The following DAPK2 variants were observed in gnomAD, a reference collection of about 807,000 sequenced individuals.
DAPK2 encodes the protein death associated protein kinase 2, also known as death-associated protein kinase 2.
DAPK2 carries 35 observed loss-of-function variants against 44.1 expected under a neutral mutation model. That is an observed-to-expected ratio of 0.79 (90% CI 0.61 to 1.05). The LOEUF (loss-of-function observed/expected upper bound fraction) is 1.05, where lower values mean the gene tolerates loss of function less well. DAPK2 is among the 50% of genes least tolerant of loss of function. The probability of loss-of-function intolerance (pLI) is 0.00; values close to 1 mark genes in which losing one functional copy is unlikely to be tolerated. For synonymous variants in DAPK2, 174 were observed against 182.6 expected (o/e 0.95, Z 0.38); for missense variants, 453 against 483.2 (o/e 0.94, Z 0.59).
At chr15:63,984,280 G>A (rs573802844) in intron 1 of DAPK2, among the ~76,000 whole-genome samples, 1 of 152,338 alleles carries the variant, frequency 6.6e-6, no homozygotes, top group South Asian at 2.1e-4. Flanking sequence ...TGACTCGCCT[G>A]AGGTCATCGC....
chr15:64,030,979 TACACACACACACAC>T (rs71131201), intron 1 of DAPK2, among the ~76,000 whole-genome samples: 3 of 140,186 alleles, frequency 2.1e-5, no homozygotes, highest in Non-Finnish European at 3.1e-5. Context: ...AATACACACA[TACACACACACACAC>T]ACACACACAC....
intron 3 of DAPK2, among the ~76,000 whole-genome samples, chr15:63,959,582 T>C (rs2077826322): frequency 6.6e-6 from 1 of 152,194 alleles, no homozygotes; most frequent in African/African-American, 2.4e-5. Context: ...TGAATTTTGT[T>C]GAGGGCCTTT....
chr15:64,036,194 G>C (rs2080176665), intron 1 of DAPK2, among the ~76,000 whole-genome samples: 1 of 149,256 alleles, frequency 6.7e-6, no homozygotes, highest in African/African-American at 2.5e-5. Flanking sequence ...CTGGGAGATG[G>C]AGGTTGCAGT....
At position 63,911,726 on chromosome 15, in the gene DAPK2, C is replaced by T. The variant is rs2078797201; in HGVS notation, c.1032+182G>A. On this transcript the variant is annotated intron_variant, in intron 10 of 10. Transcript: ENST00000261891. ...CCCCTCCCGGCACCACCCAGAGGTC[C>T]CCAGAACACACTCCTCTGAAGATCA... 6.1e-6 allele frequency: 4 copies of T among 654,096 alleles called. No homozygotes were observed. In the Admixed American group the frequency reaches 7.7e-5, roughly 13 times the overall value. The allele number at this position is 654,096 out of a possible 1,614,324, so 40.5% of individuals were successfully genotyped here.
intron 8 of DAPK2, among the ~76,000 whole-genome samples, chr15:63,914,592 C>T (rs1446108647): frequency 6.6e-6 from 1 of 152,154 alleles, no homozygotes; most frequent in Non-Finnish European, 1.5e-5. Context: ...TTCTCCAAGC[C>T]TTCCAGTGGC....
intron 5 of DAPK2, among the ~76,000 whole-genome samples, chr15:63,930,188 C>G (rs916064526): frequency 3.9e-5 from 6 of 152,366 alleles, no homozygotes; most frequent in Non-Finnish European, 8.8e-5. Flanking sequence ...TGACAAAGCT[C>G]TGACCTGGCC....
At chr15:63,998,214 T>C (rs968338323) in intron 1 of DAPK2, among the ~76,000 whole-genome samples, 1 of 152,120 alleles carries the variant, frequency 6.6e-6, no homozygotes, top group Non-Finnish European at 1.5e-5. Flanking sequence ...TACCCATGGG[T>C]GCAGGCTGCC....
At position 63,929,582 on chromosome 15, in the gene DAPK2, A is replaced by G. The variant is rs1434945310; in HGVS notation, c.633-5T>C. 30 of 1,614,014 alleles carry G rather than the reference A, an allele frequency of 1.9e-5. No homozygotes were observed. The highest frequency in any genetic ancestry group is 2.4e-5 in the Non-Finnish European group (28 of 1,180,004). On this transcript the variant is annotated splice_region_variant and splice_polypyrimidine_tract_variant and intron_variant, in intron 5 of 10. Coordinates refer to ENST00000261891, the Ensembl canonical transcript of DAPK2. ...TAGGTGATGACGCCTATGCTCCTGC[A>G]AAATAAAGAACAGTCAAGTCAGGGC...
chr15:63,913,555 CT>C (rs1231461124), intron 8 of DAPK2, among the ~76,000 whole-genome samples: 2 of 152,212 alleles, frequency 1.3e-5, no homozygotes, highest in African/African-American at 4.8e-5. Context: ...CCTCATTCAC[CT>C]GGTGAATGCT....
chr15:64,046,320 GTC>G lies in DAPK2; in HGVS notation c.-31_-30del, dbSNP rs2080462453. The G allele has an allele frequency of 4.1e-6, 4 of 974,716 alleles. No individual in the cohort carries two copies. The African/African-American group carries it at 7.4e-5, about 18-fold the overall frequency. 60.4% of individuals were successfully genotyped at this position (974,716 alleles called of 1,614,324 possible). Reference sequence around the variant, plus strand: ...CACGGCGGGAGGCTGAGCTGCCGCGGTCGCGGCCGCGGCAGGCGCGGCGGGAG... The same window carrying G: ...CACGGCGGGAGGCTGAGCTGCCGCGGGCGGCCGCGGCAGGCGCGGCGGGAG... On this transcript the variant is annotated 5_prime_UTR_variant, in exon 1 of 12. Transcript: ENST00000457488. The surrounding 1 kb of genome is among the most constrained non-coding windows in gnomAD (Gnocchi z 5.3).
intron 3 of DAPK2, among the ~76,000 whole-genome samples, chr15:63,942,607 C>T (rs1595766370): frequency 6.6e-6 from 1 of 151,932 alleles, no homozygotes; most frequent in East Asian, 1.9e-4. Context: ...AAAAGAACCC[C>T]AGGGCAGGGC....
chr15:64,032,621 G>A (rs72755026), intron 1 of DAPK2, among the ~76,000 whole-genome samples: 1 of 152,246 alleles, frequency 6.6e-6, no homozygotes, highest in Non-Finnish European at 1.5e-5. Context: ...CTGTGGGTAT[G>A]AAAAATACCC....
chr15:63,930,895 C>A (rs1365011128), intron 4 of DAPK2, among the ~76,000 whole-genome samples: 2 of 151,998 alleles, frequency 1.3e-5, no homozygotes, highest in Non-Finnish European at 2.9e-5. Context: ...CCCATCTCCA[C>A]AAAACATTTT....
chr15:63,969,416 T>TC (rs2078145534), intron 3 of DAPK2, among the ~76,000 whole-genome samples: 3 of 149,616 alleles, frequency 2.0e-5, no homozygotes, highest in Non-Finnish European at 4.4e-5. Flanking sequence ...TGAGACCCTG[T>TC]CCCCCCCAAA....
At position 63,975,897 on chromosome 15, in the gene DAPK2, G is replaced by T. The variant is rs115021855; in HGVS notation, c.315-4336C>A. Among the ~76,000 whole-genome samples the T allele has an allele frequency of 4.1e-3, 628 of 152,318 alleles. 3 individuals are homozygous for T. The highest frequency in any genetic ancestry group is 0.014 in the African/African-American group (570 of 41,568). On this transcript the variant is annotated intron_variant, in intron 2 of 10. Coordinates refer to ENST00000261891, the Ensembl canonical transcript of DAPK2. ...GTGTGAGCCATTGCGCTCGGCTCCA[G>T]ATGATTCTTATATGGCTAAAATGGC...
At chr15:63,930,318 T>C (rs553323603) in intron 5 of DAPK2, 89 bp downstream of exon 6, 25 of 1,269,202 alleles carry the variant, frequency 2.0e-5, no homozygotes, top group East Asian at 9.3e-5. Context: ...GGGGCTTTCA[T>C]GGTTAAGCGG....
intron 3 of DAPK2, among the ~76,000 whole-genome samples, chr15:63,943,889 CA>C (rs1288332821): frequency 2.6e-5 from 4 of 151,810 alleles, no homozygotes; most frequent in Non-Finnish European, 4.4e-5. Context: ...AAAAACAAAA[CA>C]AAAAAAATCT....
At chr15:64,028,853 A>G (rs925048774) in intron 1 of DAPK2, among the ~76,000 whole-genome samples, 1 of 152,076 alleles carries the variant, frequency 6.6e-6, no homozygotes, top group South Asian at 2.1e-4. Context: ...GAGAGAGAGA[A>G]ATGACAAAAT....
At chr15:63,946,494 C>T (rs1011057414) in intron 3 of DAPK2, among the ~76,000 whole-genome samples, 4 of 152,218 alleles carry the variant, frequency 2.6e-5, no homozygotes, top group Non-Finnish European at 4.4e-5. Flanking sequence ...CGGGGTTGTT[C>T]TGTGATTGAG....
Sources: allele counts gnomAD v4.1 joint callset (sites outside exome capture counted in the v4.1 genomes callset), GRCh38; gene constraint gnomAD v4.1.1; non-coding constraint Gnocchi (gnomAD v3.1); transcripts MANE v1.5; gene names NCBI Gene and HGNC (gene_info 2026-07-23, HGNC 2026-07-21).